Variants in LRP1B observed in about 807,000 individuals in gnomAD.
LRP1B encodes low-density lipoprotein receptor-related protein 1B.
A neutral mutation model predicts 556.6 loss-of-function variants in LRP1B; 217 were observed. That is an observed-to-expected ratio of 0.39 (90% CI 0.35 to 0.44). The LOEUF (loss-of-function observed/expected upper bound fraction) is 0.44. LRP1B is among the 20% of genes least tolerant of loss of function. The probability of loss-of-function intolerance (pLI) is 1.00; values close to 1 mark genes in which losing one functional copy is unlikely to be tolerated. For missense variants in LRP1B, 5,053 were observed against 5,620.8 expected (o/e 0.90, Z 3.23); for synonymous variants, 2,047 against 1,865.8 (o/e 1.10, Z -2.50).
At chr2:140,304,230 G>T (rs190374618) in intron 83 of LRP1B, among the ~76,000 whole-genome samples, 2 of 152,098 alleles carry the variant, frequency 1.3e-5, no homozygotes, top group African/African-American at 4.8e-5. Context: ...TTGAGGAGTC[G>T]CCACACTGTC....
chr2:141,070,210 C>T (rs554806320), intron 7 of LRP1B, among the ~76,000 whole-genome samples: 1 of 151,868 alleles, frequency 6.6e-6, no homozygotes, highest in South Asian at 2.1e-4. Context: ...TCACTCAAAA[C>T]CGCTCAACTA....
intron 11 of LRP1B, among the ~76,000 whole-genome samples, chr2:141,027,738 A>C (rs13034473): frequency 0.18 from 26,675 of 152,146 alleles, 2,514 homozygotes; most frequent in East Asian, 0.24. Context: ...ACATGGTGAA[A>C]TCCTCATTCT....
chr2:141,392,054 A>G (rs1332135956), intron 3 of LRP1B, among the ~76,000 whole-genome samples: 1 of 152,138 alleles, frequency 6.6e-6, no homozygotes, highest in Non-Finnish European at 1.5e-5. Context: ...ATGGTGTTTG[A>G]TGCTATGTAA....
In LRP1B at chr2:141,035,562, TTA is replaced by T. The variant is rs201920672; in HGVS notation, c.1789+13422_1789+13423del. Among the ~76,000 whole-genome samples, 609 of 152,044 alleles carry T rather than the reference TTA, an allele frequency of 4.0e-3. 4 individuals carry two copies. The highest frequency in any genetic ancestry group is 4.5e-3 in the Non-Finnish European group (307 of 67,984). On this transcript the variant is annotated intron_variant, in intron 11 of 90. Coordinates refer to ENST00000389484, the MANE Select transcript of LRP1B (RefSeq NM_018557.3). ...CTTCTATCTGACAGATATTTGGCAA[TTA>T]TATGATATTTTTGTAGATAAATAGA... is the stretch of plus-strand genomic sequence containing the variant.
intron 23 of LRP1B, among the ~76,000 whole-genome samples, chr2:140,901,713 CAT>C (rs1381231151): frequency 1.3e-5 from 2 of 151,992 alleles, no homozygotes; most frequent in Non-Finnish European, 1.5e-5. Flanking sequence ...GATGAGAAAA[CAT>C]ATTGAAGTGC....
At chr2:141,842,697 A>T (rs918715866) in intron 1 of LRP1B, among the ~76,000 whole-genome samples, 25 of 152,268 alleles carry the variant, frequency 1.6e-4, no homozygotes, top group African/African-American at 5.1e-4. Flanking sequence ...ACATGGATGA[A>T]TGAATGGATG....
At chr2:140,607,990 T>A (rs1682931365) in intron 41 of LRP1B, among the ~76,000 whole-genome samples, 1 of 151,772 alleles carries the variant, frequency 6.6e-6, no homozygotes, top group South Asian at 2.1e-4. Context: ...CATCAGTAAA[T>A]ACATTAATAA....
At chr2:141,112,499 C>T (rs977427165) in intron 7 of LRP1B, among the ~76,000 whole-genome samples, 10 of 152,080 alleles carry the variant, frequency 6.6e-5, no homozygotes, top group South Asian at 2.1e-4. Context: ...GAAAAAAATA[C>T]GTTAAAATAA....
intron 3 of LRP1B, among the ~76,000 whole-genome samples, chr2:141,340,601 C>T (rs539996104): frequency 3.9e-5 from 6 of 152,240 alleles, no homozygotes; most frequent in African/African-American, 1.4e-4. Context: ...TGTAGTACTT[C>T]ACTAATTTAA....
chr2:140,289,573 G>T (rs1025446048), intron 84 of LRP1B, among the ~76,000 whole-genome samples: 1 of 151,020 alleles, frequency 6.6e-6, no homozygotes, highest in Admixed American at 6.6e-5. Flanking sequence ...AAGCACGTAC[G>T]CCTAAAATTA....
chr2:141,727,283 C>T (rs536296330), intron 2 of LRP1B, among the ~76,000 whole-genome samples: 20 of 152,204 alleles, frequency 1.3e-4, no homozygotes, highest in African/African-American at 3.1e-4. Flanking sequence ...TCACAGATGA[C>T]GACCTTGGAG....
In LRP1B at chr2:141,332,109, AT is replaced by A. The variant is rs202038135; in HGVS notation, c.344-77469del. On this transcript the variant is annotated intron_variant, in intron 3 of 90. Coordinates refer to ENST00000389484, the MANE Select transcript of LRP1B (RefSeq NM_018557.3). ...CTATGGAGCTATTCTGTAATTGTTG[AT>A]TTTTTTTTTTGTCTTCTCCACTACA... 3.0e-3 allele frequency among the ~76,000 whole-genome samples: 434 copies of A among 146,532 alleles called. 1 individual carries two copies. Among genetic ancestry groups the A allele is most frequent in the Non-Finnish European group, 4.1e-3 (269 of 66,048 alleles).
At chr2:141,539,254 T>C (rs7582623) in intron 2 of LRP1B, among the ~76,000 whole-genome samples, 148,027 of 152,178 alleles carry the variant, frequency 0.97, 72,128 homozygotes, top group East Asian at 1. Flanking sequence ...GTGCCGGCTG[T>C]TTTTCCAGCA....
intron 7 of LRP1B, among the ~76,000 whole-genome samples, chr2:141,099,354 T>A (rs369612418): frequency 6.6e-6 from 1 of 152,246 alleles, no homozygotes; most frequent in East Asian, 1.9e-4. Flanking sequence ...TATTTTTAAA[T>A]CTTTGGTTTA....
intron 11 of LRP1B, among the ~76,000 whole-genome samples, chr2:141,041,086 TAA>T (rs1282065973): frequency 1.3e-5 from 2 of 152,026 alleles, no homozygotes; most frequent in African/African-American, 4.8e-5. Context: ...GCTATGAAAT[TAA>T]AGAGTAATGT....
At chr2:141,161,378 A>ATT (rs1415689026) in intron 7 of LRP1B, among the ~76,000 whole-genome samples, 1 of 152,092 alleles carries the variant, frequency 6.6e-6, no homozygotes, top group Non-Finnish European at 1.5e-5. Flanking sequence ...TCCATCTTCA[A>ATT]TTTCTTGCAC....
At chr2:141,828,634 G>A (rs976154077) in intron 1 of LRP1B, among the ~76,000 whole-genome samples, 4 of 151,940 alleles carry the variant, frequency 2.6e-5, no homozygotes, top group African/African-American at 7.3e-5. Flanking sequence ...AAGTTACCTC[G>A]TGCTGGTTTC....
intron 4 of LRP1B, among the ~76,000 whole-genome samples, chr2:141,253,212 T>A (rs1684331331): frequency 6.6e-6 from 1 of 152,176 alleles, no homozygotes; most frequent in African/African-American, 2.4e-5. Flanking sequence ...ACCATTTTTA[T>A]CTGGCTGATT....
intron 25 of LRP1B, among the ~76,000 whole-genome samples, chr2:140,877,230 A>G (rs1473722602): frequency 6.6e-6 from 1 of 152,202 alleles, no homozygotes; most frequent in African/African-American, 2.4e-5. Context: ...CTACTGATGC[A>G]TGGACTTCAG....
Sources: allele counts gnomAD v4.1 joint callset (sites outside exome capture counted in the v4.1 genomes callset), GRCh38; gene constraint gnomAD v4.1.1; transcripts MANE v1.5; gene names NCBI Gene and HGNC (gene_info 2026-07-23, HGNC 2026-07-21).